Variants in TXNRD3 observed in about 807,000 individuals in gnomAD.
TXNRD3 encodes thioredoxin reductase 3.
In TXNRD3, 68 loss-of-function variants were observed where a neutral mutation model predicts 78.2. The observed-to-expected ratio is 0.87, with a 90% CI of 0.72 to 1.06. The LOEUF (loss-of-function observed/expected upper bound fraction) is 1.06, where lower values mean the gene tolerates loss of function less well. Ranked by LOEUF, TXNRD3 falls within the 50% of genes least tolerant of loss-of-function variation. The pLI is 0.00. For missense variants in TXNRD3, 751 were observed against 809.5 expected (o/e 0.93, Z 0.88); for synonymous variants, 296 against 300.1 (o/e 0.99, Z 0.14).
At chr3:126,635,043 C>T (rs1938821899) in intron 6 of TXNRD3, among the ~76,000 whole-genome samples, 1 of 152,176 alleles carries the variant, frequency 6.6e-6, no homozygotes, top group Admixed American at 6.5e-5. Context: ...TACTACATTA[C>T]CTCATCCTCC....
At chr3:126,620,830 CA>C (rs200586029) in intron 12 of TXNRD3, among the ~76,000 whole-genome samples, 1,800 of 152,310 alleles carry the variant, frequency 0.012, 19 homozygotes, top group Middle Eastern at 0.048. Context: ...TGCCTACACA[CA>C]TTGCAAAATG....
At chr3:126,615,253 C>T (rs1938291130) in intron 13 of TXNRD3, 102 bp downstream of exon 13, 1 of 528,080 alleles carries the variant, frequency 1.9e-6, no homozygotes, top group Non-Finnish European at 3.3e-6. Flanking sequence ...TACAATATAA[C>T]CATCATAGTA....
chr3:126,637,932 C>CTCTTTTTTTTTTTTTTTTTTTTTTT (rs1444254294), intron 6 of TXNRD3, among the ~76,000 whole-genome samples: 1 of 60,190 alleles, frequency 1.7e-5, no homozygotes, highest in Non-Finnish European at 2.8e-5. Flanking sequence ...ATTTCTCTCT[C>CTCTTTTTTTTTTTTTTTTTTTTTTT]TTTTTTTTTT....
intron 13 of TXNRD3, among the ~76,000 whole-genome samples, chr3:126,613,746 A>G (rs1464205835): frequency 2.6e-5 from 4 of 152,264 alleles, no homozygotes; most frequent in Non-Finnish European, 4.4e-5. Flanking sequence ...CTGCACTGCC[A>G]GTCTCCAACA....
chr3:126,613,787 A>C (rs932251150), intron 13 of TXNRD3, among the ~76,000 whole-genome samples: 9 of 152,280 alleles, frequency 5.9e-5, no homozygotes, highest in South Asian at 4.1e-4. Context: ...TACAGTACAT[A>C]ATACTTGATA....
chr3:126,654,730 G>C lies in TXNRD3; in HGVS notation c.243+18C>G. The C allele has an allele frequency of 7.7e-7, 1 of 1,300,946 alleles. No homozygotes were observed. The highest frequency in any genetic ancestry group is 9.7e-7 in the Non-Finnish European group (1 of 1,025,836). 80.6% of individuals were successfully genotyped at this position (1,300,946 alleles called of 1,614,324 possible). On this transcript the variant is annotated intron_variant, in intron 1 of 15. Coordinates refer to ENST00000524230, the MANE Select transcript of TXNRD3 (RefSeq NM_052883.3). ...GGGCCCGGTCGCGCGCGGTGGAACCGGCGAGGGCCGCGCCTACCCGAGTAC... is the reference window on the plus strand; with the variant it reads ...GGGCCCGGTCGCGCGCGGTGGAACCCGCGAGGGCCGCGCCTACCCGAGTAC...
intron 1 of TXNRD3, among the ~76,000 whole-genome samples, chr3:126,648,125 T>G (rs564488532): frequency 1.3e-5 from 2 of 152,112 alleles, no homozygotes; most frequent in East Asian, 3.9e-4. Flanking sequence ...TCATTTATAA[T>G]AGCAACAAGA....
At chr3:126,631,204 A>T (rs1351680045) in intron 8 of TXNRD3, among the ~76,000 whole-genome samples, 4 of 26,742 alleles carry the variant, frequency 1.5e-4, no homozygotes, top group Admixed American at 3.3e-4. Context: ...ACATGTGATA[A>T]AAAAAAAAAC....
At chr3:126,612,618 A>G (rs1028500748) in intron 13 of TXNRD3, among the ~76,000 whole-genome samples, 1 of 152,174 alleles carries the variant, frequency 6.6e-6, no homozygotes, top group African/African-American at 2.4e-5. Flanking sequence ...ACAGCAAGCT[A>G]CTATTTCTGA....
intron 1 of TXNRD3, among the ~76,000 whole-genome samples, chr3:126,648,902 G>A (rs1054150472): frequency 6.6e-6 from 1 of 152,178 alleles, no homozygotes; most frequent in African/African-American, 2.4e-5. Context: ...CTACTCAGGA[G>A]GCTGAGGCAG....
chr3:126,634,923 G>C (rs182678346), intron 6 of TXNRD3, among the ~76,000 whole-genome samples: 6 of 152,234 alleles, frequency 3.9e-5, no homozygotes, highest in Admixed American at 3.9e-4. Context: ...CGACTGGAGG[G>C]GACAGTCAGT....
intron 7 of TXNRD3, 121 bp downstream of exon 7, chr3:126,633,784 CGTGT>C (rs148725874): frequency 3.1e-5 from 16 of 513,766 alleles, no homozygotes; most frequent in East Asian, 7.2e-5. Flanking sequence ...CATGCATGGC[CGTGT>C]GTGTGTGTGT....
chr3:126,641,195 C>T lies in TXNRD3; in HGVS notation c.712+837G>A, dbSNP rs182132284. On this transcript the variant is annotated intron_variant, in intron 6 of 15. Coordinates refer to ENST00000524230, the MANE Select transcript of TXNRD3 (RefSeq NM_052883.3). The stretch of plus-strand genomic sequence containing the variant: ...ATATTCCAGCTGCAGTGCCCACTTC[C>T]CAAATAAGCATCATTTTCTTTAGGG... Among the ~76,000 whole-genome samples, 576 of 152,274 alleles carry T rather than the reference C, an allele frequency of 3.8e-3. 3 individuals carry two copies. Among genetic ancestry groups the T allele is most frequent in the African/African-American group, 0.013 (554 of 41,550 alleles).
In TXNRD3 at chr3:126,630,894, C is replaced by T. The variant is rs1395617802; in HGVS notation, c.1015G>A (p.Val339Met). 5 of 1,535,976 alleles carry T rather than the reference C, an allele frequency of 3.3e-6. No individual in the cohort carries two copies. The highest frequency in any genetic ancestry group is 1.4e-5 in the African/African-American group (1 of 72,980). ...AGGGCAACATAAGAGGCACCCACCA[C>T]TAATGTTTTGCCAGGGCAATAAGGC... Residue 339 changes from valine (V) to methionine (M), a missense_variant, in exon 9 of 16, where the codon GTG (valine) becomes ATG (methionine). Physicochemically the swap from Val to Met is conservative, Grantham distance 21. Coordinates refer to ENST00000524230, the MANE Select transcript of TXNRD3 (RefSeq NM_052883.3).
chr3:126,653,833 G>C (rs554144700), intron 1 of TXNRD3, among the ~76,000 whole-genome samples: 1 of 152,062 alleles, frequency 6.6e-6, no homozygotes, highest in South Asian at 2.1e-4. Context: ...TTCATCCCAG[G>C]GAATAGTCAG....
Position 126,607,986 on chromosome 3 carries a change from A to G in TXNRD3, c.1864-13T>C, listed in dbSNP as rs183938562. ...AAGTCGTGAACACCTGTTCAAGAGA[A>G]AGAAAACAAATACATATTTAGATGT... On this transcript the variant is annotated splice_polypyrimidine_tract_variant and intron_variant, in intron 15 of 15. Transcript: ENST00000524230. 3.2e-5 allele frequency: 48 copies of G among 1,482,408 alleles called. No homozygotes were observed. The African/African-American group carries it at 5.0e-4, about 15-fold the overall frequency. The allele number at this position is 1,482,408 out of a possible 1,614,324, so 91.8% of individuals were successfully genotyped here.
chr3:126,621,740 A>C lies in TXNRD3; in HGVS notation c.1524+2T>G, dbSNP rs555030463. 1.3e-6 allele frequency: 2 copies of C among 1,499,114 alleles called. No individual in the cohort carries two copies. The highest frequency in any genetic ancestry group is 2.5e-5 in the Admixed American group (1 of 40,294). The allele number at this position is 1,499,114 out of a possible 1,614,324, so 92.9% of individuals were successfully genotyped here. A position where few individuals can be genotyped will look rare whatever the true frequency, so the allele number is the denominator to read the frequency against. On this transcript the variant is annotated splice_donor_variant, in intron 12 of 15. Transcript: ENST00000524230. LOFTEE classifies it high-confidence loss of function. ...TTATCTCAAAAACAGTAAGAAACTTACCTTTTCTAAAGAGGCCCCAAAAAG... is the reference window on the plus strand; with the variant it reads ...TTATCTCAAAAACAGTAAGAAACTTCCCTTTTCTAAAGAGGCCCCAAAAAG...
intron 10 of TXNRD3, among the ~76,000 whole-genome samples, chr3:126,623,804 C>T (rs1345686423): frequency 4.7e-5 from 6 of 126,418 alleles, no homozygotes; most frequent in African/African-American, 1.7e-4. Context: ...CCATTCTCAC[C>T]ATTTCTAATC....
At chr3:126,632,854 G>A (rs1167958563) in intron 7 of TXNRD3, among the ~76,000 whole-genome samples, 1 of 152,138 alleles carries the variant, frequency 6.6e-6, no homozygotes, top group Non-Finnish European at 1.5e-5. Flanking sequence ...AGGCTCTGGG[G>A]TGAAACGGAG....
Sources: allele counts gnomAD v4.1 joint callset (sites outside exome capture counted in the v4.1 genomes callset), GRCh38; gene constraint gnomAD v4.1.1; transcripts MANE v1.5; gene names NCBI Gene and HGNC (gene_info 2026-07-23, HGNC 2026-07-21).